The following ACBD6 variants were observed in gnomAD, a reference collection of about 807,000 sequenced individuals.
ACBD6 encodes acyl-CoA-binding domain-containing protein 6.
A neutral mutation model predicts 37.2 loss-of-function variants in ACBD6; 28 were observed. The observed-to-expected ratio is 0.75, with a 90% CI of 0.56 to 1.03. The LOEUF is 1.03. Ranked by LOEUF, ACBD6 falls within the 50% of genes least tolerant of loss-of-function variation. The pLI, the probability that ACBD6 is intolerant of heterozygous loss-of-function variation, is 0.00. For synonymous variants in ACBD6, 113 were observed against 126.8 expected (o/e 0.89, Z 0.73); for missense variants, 340 against 337.4 (o/e 1.01, Z -0.06).
intron 7 of ACBD6, among the ~76,000 whole-genome samples, chr1:180,296,751 A>C (rs1349804109): frequency 6.6e-6 from 1 of 152,044 alleles, no homozygotes; most frequent in Non-Finnish European, 1.5e-5. Flanking sequence ...CAGTGTAGAC[A>C]AATCAGCCTC....
chr1:180,470,956 A>T (rs1206842581), intron 3 of ACBD6, among the ~76,000 whole-genome samples: 1 of 152,254 alleles, frequency 6.6e-6, no homozygotes, highest in Non-Finnish European at 1.5e-5. Context: ...TCCGTCTCTT[A>T]AAGAAAAATA....
At chr1:180,304,550 T>C (rs1303594915) in intron 7 of ACBD6, among the ~76,000 whole-genome samples, 1 of 150,588 alleles carries the variant, frequency 6.6e-6, no homozygotes, top group South Asian at 2.1e-4. Context: ...TTACAAGGGA[T>C]GTGAAGGACC....
At chr1:180,370,858 TTTA>T (rs138469272) in intron 6 of ACBD6, among the ~76,000 whole-genome samples, 23,915 of 151,890 alleles carry the variant, frequency 0.16, 1,934 homozygotes, top group Middle Eastern at 0.22. Context: ...GAGGAGTTGT[TTTA>T]TTATTATTTT....
chr1:180,355,169 T>C lies in ACBD6; in HGVS notation c.664-40447A>G, dbSNP rs1012689066. The stretch of plus-strand genomic sequence containing the variant: ...TCCAACCACCTTATGAAATAGGTAC[T>C]AAGTTATCTCATTTCACAAATGAAG... On this transcript the variant is annotated intron_variant, in intron 6 of 7. Coordinates refer to ENST00000367595, the MANE Select transcript of ACBD6 (RefSeq NM_032360.4). Among the ~76,000 whole-genome samples, 4 of 152,220 alleles carry C rather than the reference T, an allele frequency of 2.6e-5. No homozygotes were observed. The South Asian group carries it at 8.3e-4, about 32-fold the overall frequency.
chr1:180,349,544 C>T (rs996242153), intron 6 of ACBD6, among the ~76,000 whole-genome samples: 1 of 151,072 alleles, frequency 6.6e-6, no homozygotes, highest in Non-Finnish European at 1.5e-5. Flanking sequence ...CGTGAGCCAC[C>T]GTGCCCAGCC....
chr1:180,466,581 T>C (rs568024251), intron 3 of ACBD6, among the ~76,000 whole-genome samples: 4 of 152,308 alleles, frequency 2.6e-5, no homozygotes, highest in African/African-American at 7.2e-5. Context: ...TGACTTATTA[T>C]TGGGTGTATT....
intron 4 of ACBD6, among the ~76,000 whole-genome samples, chr1:180,416,461 TTTC>T (rs1349425901): frequency 2.0e-5 from 3 of 152,216 alleles, no homozygotes; most frequent in Non-Finnish European, 4.4e-5. Context: ...TTTATTTTCC[TTTC>T]TTGATTTTTT....
Position 180,495,145 on chromosome 1 carries a change from G to A in ACBD6, c.287+316C>T, listed in dbSNP as rs1438727722. Among the ~76,000 whole-genome samples, 5 of 152,218 alleles carry A rather than the reference G, an allele frequency of 3.3e-5. No individual in the cohort carries two copies. The East Asian group carries it at 9.6e-4, about 29-fold the overall frequency. On this transcript the variant is annotated intron_variant, in intron 2 of 7. Coordinates refer to ENST00000367595, the MANE Select transcript of ACBD6 (RefSeq NM_032360.4). Reference sequence around the variant, plus strand: ...TTCTTCCAAAAATCCCTCCAGAGGGGAGAAGTGGTGATCCATTAGGGGTTG... The same window carrying A: ...TTCTTCCAAAAATCCCTCCAGAGGGAAGAAGTGGTGATCCATTAGGGGTTG...
At chr1:180,367,700 G>A (rs564096115) in intron 6 of ACBD6, among the ~76,000 whole-genome samples, 8 of 152,202 alleles carry the variant, frequency 5.3e-5, no homozygotes, top group African/African-American at 1.9e-4. Context: ...CTCCATCCAC[G>A]TTCCTGCAAA....
intron 6 of ACBD6, among the ~76,000 whole-genome samples, chr1:180,396,575 T>C (rs536025234): frequency 2.0e-5 from 3 of 152,118 alleles, no homozygotes; most frequent in African/African-American, 7.2e-5. Context: ...CCAGAATATA[T>C]AAAGCACTCC....
chr1:180,354,111 G>C (rs929800937), intron 6 of ACBD6, among the ~76,000 whole-genome samples: 36 of 152,226 alleles, frequency 2.4e-4, no homozygotes, highest in African/African-American at 8.7e-4. Context: ...ACAGCACTGT[G>C]CTCTTAAACA....
intron 6 of ACBD6, among the ~76,000 whole-genome samples, chr1:180,390,366 C>T (rs1033300722): frequency 2.0e-5 from 3 of 147,922 alleles, no homozygotes; most frequent in African/African-American, 7.4e-5. Context: ...ATCTATATCT[C>T]TGTTTTGGTA....
At chr1:180,382,563 A>G (rs962391516) in intron 6 of ACBD6, among the ~76,000 whole-genome samples, 2 of 152,182 alleles carry the variant, frequency 1.3e-5, no homozygotes, top group African/African-American at 4.8e-5. Context: ...CAGTGATAAA[A>G]AGTCTCTCAA....
intron 3 of ACBD6, among the ~76,000 whole-genome samples, chr1:180,458,623 G>T (rs1650011864): frequency 6.6e-6 from 1 of 152,064 alleles, no homozygotes; most frequent in South Asian, 2.1e-4. Context: ...CCATAGGTAG[G>T]AACAGTAATA....
At chr1:180,358,713 A>G (rs1244796545) in intron 6 of ACBD6, among the ~76,000 whole-genome samples, 1 of 152,230 alleles carries the variant, frequency 6.6e-6, no homozygotes, top group African/African-American at 2.4e-5. Flanking sequence ...TGCAGGTTTT[A>G]TAAATACATA....
At chr1:180,276,523 A>C (rs1649039007) in intron 9 of ACBD6, 1 of 152,212 alleles carries the variant, frequency 6.6e-6, no homozygotes, top group Non-Finnish European at 1.5e-5. Flanking sequence ...ATGTTGTGTT[A>C]ATCCTAGCCA....
intron 6 of ACBD6, among the ~76,000 whole-genome samples, chr1:180,396,054 A>C (rs1654247028): frequency 6.6e-6 from 1 of 152,196 alleles, no homozygotes; most frequent in Non-Finnish European, 1.5e-5. Context: ...AAAAGGGACA[A>C]ATATTGTATG....
chr1:180,326,065 T>G (rs954684360), intron 6 of ACBD6, among the ~76,000 whole-genome samples: 7 of 152,152 alleles, frequency 4.6e-5, no homozygotes, highest in Non-Finnish European at 1.0e-4. Context: ...GGCTCTACAA[T>G]TAGCAGGTGG....
intron 6 of ACBD6, among the ~76,000 whole-genome samples, chr1:180,369,212 C>T (rs1188952485): frequency 6.6e-6 from 1 of 152,212 alleles, no homozygotes; most frequent in Non-Finnish European, 1.5e-5. Context: ...CGCAGGGCTC[C>T]AACCCATATC....
Sources: allele counts gnomAD v4.1 joint callset (sites outside exome capture counted in the v4.1 genomes callset), GRCh38; gene constraint gnomAD v4.1.1; transcripts MANE v1.5; gene names NCBI Gene and HGNC (gene_info 2026-07-23, HGNC 2026-07-21).